CATSPERE: variants seen among roughly 807,000 people sequenced by gnomAD.
The protein encoded by CATSPERE is catsper channel auxiliary subunit epsilon, also known as cation channel sperm-associated auxiliary subunit epsilon.
In CATSPERE, 93 loss-of-function variants were observed where a neutral mutation model predicts 114.1. The ratio of observed to expected loss-of-function variants is 0.81; its 90% CI spans 0.69 to 0.97. The LOEUF is 0.97. Ranked by LOEUF, CATSPERE falls within the 50% of genes least tolerant of loss-of-function variation. The pLI is 0.00. For synonymous variants in CATSPERE, 341 were observed against 384.1 expected, an observed-to-expected ratio of 0.89 and a Z score of 1.31; for missense variants, 1,058 against 1,131.6, an observed-to-expected ratio of 0.93 and a Z score of 0.93.
chr1:244,486,400 G>A (rs1047220405), intron 5 of CATSPERE, among the ~76,000 whole-genome samples: 2 of 151,284 alleles, frequency 1.3e-5, no homozygotes, highest in African/African-American at 2.4e-5. Context: ...ACAGACCCTC[G>A]TAGTCACGTG....
At chr1:244,493,373 G>T (rs1572388739) in intron 6 of CATSPERE, among the ~76,000 whole-genome samples, 1 of 152,276 alleles carries the variant, frequency 6.6e-6, no homozygotes, top group Admixed American at 6.5e-5. Flanking sequence ...TTAATAAATG[G>T]TGCTGGGAAA....
At chr1:244,480,288 C>T (rs1457775995) in intron 5 of CATSPERE, among the ~76,000 whole-genome samples, 1 of 152,120 alleles carries the variant, frequency 6.6e-6, no homozygotes, top group Non-Finnish European at 1.5e-5. Context: ...TAATTAACTG[C>T]ATAAAAATCA....
At chr1:244,502,576 G>A (rs940779014) in intron 7 of CATSPERE, among the ~76,000 whole-genome samples, 2 of 152,134 alleles carry the variant, frequency 1.3e-5, no homozygotes, top group Non-Finnish European at 2.9e-5. Context: ...TAAAGACACT[G>A]TTTCACCGGC....
intron 5 of CATSPERE, among the ~76,000 whole-genome samples, chr1:244,487,012 A>C (rs1205529385): frequency 6.6e-6 from 1 of 151,142 alleles, no homozygotes; most frequent in Admixed American, 6.6e-5. Flanking sequence ...TGGGTGGTTC[A>C]GCATGTGGGG....
At chr1:244,509,649 C>T (rs901148747) in intron 7 of CATSPERE, among the ~76,000 whole-genome samples, 3 of 151,920 alleles carry the variant, frequency 2.0e-5, no homozygotes, top group Admixed American at 6.6e-5. Context: ...TGCAGAGAAC[C>T]GATATTAGTT....
chr1:244,567,038 C>G (rs1029211584), intron 10 of CATSPERE, among the ~76,000 whole-genome samples: 1 of 152,120 alleles, frequency 6.6e-6, no homozygotes, highest in Non-Finnish European at 1.5e-5. Context: ...TAAGGCAGGC[C>G]TGGTGGTGAC....
At chr1:244,617,838 T>C (rs1474122943) in intron 20 of CATSPERE, among the ~76,000 whole-genome samples, 152 bp downstream of exon 20, 1 of 152,214 alleles carries the variant, frequency 6.6e-6, no homozygotes, top group Non-Finnish European at 1.5e-5. Flanking sequence ...AAACATTCTA[T>C]GTGGGTAGAA....
chr1:244,465,153 A>G (rs1463978751), intron 2 of CATSPERE, among the ~76,000 whole-genome samples: 2 of 151,584 alleles, frequency 1.3e-5, no homozygotes, highest in African/African-American at 4.9e-5. Context: ...CTTCTGCCTC[A>G]GCCTCCTGAG....
chr1:244,565,626 T>C (rs1479424977), intron 10 of CATSPERE, among the ~76,000 whole-genome samples: 1 of 152,174 alleles, frequency 6.6e-6, no homozygotes, highest in Non-Finnish European at 1.5e-5. Context: ...TATTTGGTTC[T>C]TCTCTCCTTT....
chr1:244,568,648 G>A lies in CATSPERE; in HGVS notation c.1508-3682G>A, dbSNP rs559437466. Among the ~76,000 whole-genome samples, 2,116 of 152,312 alleles carry A rather than the reference G, an allele frequency of 0.014. 23 individuals carry two copies. The highest frequency in any genetic ancestry group is 0.027 in the Middle Eastern group (8 of 294). On this transcript the variant is annotated intron_variant, in intron 10 of 21. Coordinates refer to ENST00000366534, the MANE Select transcript of CATSPERE (RefSeq NM_001130957.2). This position sits in a 1 kb window ranked among gnomAD's most constrained non-coding sequence, Gnocchi z 4.4. ...GGCAGCTTTATTTCCACTGTGAGGGGAAAACCGCCTACTCAAGCCTCAGTA... is the reference window on the plus strand; with the variant it reads ...GGCAGCTTTATTTCCACTGTGAGGGAAAAACCGCCTACTCAAGCCTCAGTA...
At chr1:244,626,222 C>T (rs891914217) in intron 20 of CATSPERE, among the ~76,000 whole-genome samples, 5 of 152,082 alleles carry the variant, frequency 3.3e-5, no homozygotes, top group African/African-American at 1.2e-4. Context: ...CATGGTGACT[C>T]ACGCCTGTAA....
Position 244,607,942 on chromosome 1 carries a change from C to T in CATSPERE, c.2403+2148C>T, listed in dbSNP as rs1166030523. Among the ~76,000 whole-genome samples, 2 of 151,584 alleles carry T rather than the reference C, an allele frequency of 1.3e-5. No individual in the cohort carries two copies. Among genetic ancestry groups the T allele is most frequent in the African/African-American group, 4.9e-5 (2 of 41,224 alleles). On this transcript the variant is annotated intron_variant, in intron 18 of 21. Transcript: ENST00000366534. The surrounding 1 kb of genome is among the most constrained non-coding windows in gnomAD (Gnocchi z 4.4). ...ACCAACATGGTGAAACCCCATATCT[C>T]CTAAAAATAAAAAAATTAGCTGGGC...
chr1:244,493,832 C>CA (rs1031011835), intron 6 of CATSPERE, among the ~76,000 whole-genome samples: 2 of 152,026 alleles, frequency 1.3e-5, no homozygotes, highest in African/African-American at 2.4e-5. Flanking sequence ...TTTATGCAGC[C>CA]AAAAAACACA....
intron 7 of CATSPERE, among the ~76,000 whole-genome samples, chr1:244,517,054 G>C (rs1403603139): frequency 2.0e-5 from 3 of 152,040 alleles, no homozygotes; most frequent in African/African-American, 7.3e-5. Context: ...TGAAAATGAT[G>C]TTTATAGACT....
chr1:244,635,415 C>A, intron 20 of CATSPERE, 74 bp from the exon 21 acceptor site: 1 of 1,077,768 alleles, frequency 9.3e-7, no homozygotes, highest in Non-Finnish European at 1.4e-6. Context: ...TGATTGTTAC[C>A]ATAGGGACAT....
At chr1:244,524,150 A>G (rs1348814624) in intron 8 of CATSPERE, among the ~76,000 whole-genome samples, 3 of 148,208 alleles carry the variant, frequency 2.0e-5, no homozygotes, top group Non-Finnish European at 3.0e-5. Flanking sequence ...ATATAGATCA[A>G]TGGAACAGAA....
At position 244,607,939 on chromosome 1, in the gene CATSPERE, T is replaced by C. The variant is rs1670209172; in HGVS notation, c.2403+2145T>C. On this transcript the variant is annotated intron_variant, in intron 18 of 21. Coordinates refer to ENST00000366534, the MANE Select transcript of CATSPERE (RefSeq NM_001130957.2). The surrounding 1 kb of genome is among the most constrained non-coding windows in gnomAD (Gnocchi z 4.4). Reference sequence around the variant, plus strand: ...CTGACCAACATGGTGAAACCCCATATCTCCTAAAAATAAAAAAATTAGCTG... The same window carrying C: ...CTGACCAACATGGTGAAACCCCATACCTCCTAAAAATAAAAAAATTAGCTG... Among the ~76,000 whole-genome samples the C allele has an allele frequency of 6.6e-6, 1 of 151,586 alleles. No homozygotes were observed. The highest frequency in any genetic ancestry group is 2.4e-5 in the African/African-American group (1 of 41,232).
At chr1:244,624,762 A>G (rs2148728766) in intron 20 of CATSPERE, among the ~76,000 whole-genome samples, 1 of 152,106 alleles carries the variant, frequency 6.6e-6, no homozygotes, top group Admixed American at 6.5e-5. Flanking sequence ...AGATCGCACC[A>G]CTGCACTCCA....
In CATSPERE at chr1:244,489,450, A is replaced by ATTTTTTTTTTTTTTTT. The variant is rs10524749; in HGVS notation, c.327-981_327-966dup. Reference sequence around the variant, plus strand: ...CTTGCAGTATTAAGGAAGCATGCAGATTTTTTTTTTTTTTTTTTTTTTTTT... The same window carrying ATTTTTTTTTTTTTTTT: ...CTTGCAGTATTAAGGAAGCATGCAGATTTTTTTTTTTTTTTTTTTTTTTTTTTTTTTTTTTTTTTTT... On this transcript the variant is annotated intron_variant, in intron 5 of 21. Transcript: ENST00000366534. 3.5e-5 allele frequency among the ~76,000 whole-genome samples: 3 copies of ATTTTTTTTTTTTTTTT among 85,538 alleles called. 1 individual carries two copies. Among genetic ancestry groups the ATTTTTTTTTTTTTTTT allele is most frequent in the African/African-American group, 1.4e-4 (3 of 22,090 alleles). 56.1% of individuals were successfully genotyped at this position (85,538 alleles called of 152,430 possible).
Sources: gnomAD v4.1 joint callset for allele counts (sites outside exome capture counted in the v4.1 genomes callset) on GRCh38, gnomAD v4.1.1 for gene constraint, Gnocchi (gnomAD v3.1) non-coding constraint, MANE v1.5 for transcripts, NCBI Gene and HGNC (gene_info 2026-07-23, HGNC 2026-07-21) for gene names.